The following PDE4D variants were observed in gnomAD, a reference collection of about 807,000 sequenced individuals.
PDE4D encodes phosphodiesterase 4D, also known as 3',5'-cyclic-AMP phosphodiesterase 4D.
In PDE4D, 24 loss-of-function variants were observed where a neutral mutation model predicts 87.4. The ratio of observed to expected loss-of-function variants is 0.27; its 90% CI spans 0.20 to 0.39. The LOEUF is 0.39. Among genes scored for constraint, PDE4D ranks in the 10% least tolerant of loss-of-function variants. The pLI is 1.00. For missense variants in PDE4D, 714 were observed against 1,041.0 expected, an observed-to-expected ratio of 0.69 and a Z score of 4.32; for synonymous variants, 384 against 383.2, an observed-to-expected ratio of 1.00 and a Z score of -0.02.
chr5:59,443,028 T>C (rs1797870959), intron 1 of PDE4D, among the ~76,000 whole-genome samples: 1 of 152,286 alleles, frequency 6.6e-6, no homozygotes, highest in African/African-American at 2.4e-5. Context: ...TTTCAACAGA[T>C]ACAAGAGAAA....
intron 1 of PDE4D, among the ~76,000 whole-genome samples, chr5:59,690,658 G>A (rs1157426333): frequency 6.6e-6 from 1 of 152,134 alleles, no homozygotes; most frequent in East Asian, 1.9e-4. Flanking sequence ...CATAGGCACA[G>A]GCAAGGACTT....
chr5:59,914,243 A>G (rs1221231619), intron 3 of PDE4D, among the ~76,000 whole-genome samples: 1 of 152,224 alleles, frequency 6.6e-6, no homozygotes, highest in East Asian at 1.9e-4. Context: ...TACATATTTT[A>G]TCAGGTGATA....
chr5:59,797,533 C>G (rs965685888), intron 1 of PDE4D, among the ~76,000 whole-genome samples: 1 of 152,166 alleles, frequency 6.6e-6, no homozygotes, highest in Non-Finnish European at 1.5e-5. Flanking sequence ...TATATTTACC[C>G]TGTCCGTTCT....
chr5:59,343,457 G>C (rs1167612115), intron 1 of PDE4D, among the ~76,000 whole-genome samples: 1 of 152,084 alleles, frequency 6.6e-6, no homozygotes, highest in East Asian at 1.9e-4. Flanking sequence ...TCAGCCAGAA[G>C]AACAATGTTA....
At chr5:59,431,284 G>A (rs1582570616) in intron 1 of PDE4D, among the ~76,000 whole-genome samples, 1 of 152,030 alleles carries the variant, frequency 6.6e-6, no homozygotes, top group South Asian at 2.1e-4. Context: ...AGGCAGCAGG[G>A]TCTTAGAGAA....
In PDE4D at chr5:59,199,913, T is replaced by C. The variant is rs555145367; in HGVS notation, c.648-6377A>G. On this transcript the variant is annotated intron_variant, in intron 2 of 14. Coordinates refer to ENST00000340635, the MANE Select transcript of PDE4D (RefSeq NM_001104631.2). ...ATGTACATATATACATATATGCATG[T>C]ATATATACACACAGGCACATATATA... Among the ~76,000 whole-genome samples the C allele has an allele frequency of 3.0e-4, 45 of 151,748 alleles. No homozygotes were observed. In the South Asian group the frequency reaches 8.9e-3, roughly 30 times the overall value.
In PDE4D at chr5:60,320,573, T is replaced by C. The variant is rs1583412819; in HGVS notation, c.-89-134886A>G. Among the ~76,000 whole-genome samples, 3 of 152,284 alleles carry C rather than the reference T, an allele frequency of 2.0e-5. No individual in the cohort carries two copies. The South Asian group carries it at 6.2e-4, about 32-fold the overall frequency. ...AGAAATCACCCATCTTCTGCATCGC[T>C]CACGCTGGGAGCTTTAGACTGGAGC... On this transcript the variant is annotated intron_variant, in intron 1 of 16. Coordinates refer to the PDE4D transcript ENST00000502484.
intron 1 of PDE4D, among the ~76,000 whole-genome samples, chr5:59,341,931 T>C (rs1249616384): frequency 1.3e-5 from 2 of 152,202 alleles, no homozygotes; most frequent in African/African-American, 4.8e-5. Context: ...AACGGCTATA[T>C]ATGTATTATC....
At chr5:59,891,130 C>A (rs897834428) in intron 1 of PDE4D, among the ~76,000 whole-genome samples, 2 of 152,186 alleles carry the variant, frequency 1.3e-5, no homozygotes. Flanking sequence ...TATTATACAT[C>A]TTAGTTTGCC....
chr5:60,344,682 T>A (rs1561143631), intron 1 of PDE4D, among the ~76,000 whole-genome samples: 1 of 152,124 alleles, frequency 6.6e-6, no homozygotes, highest in Non-Finnish European at 1.5e-5. Context: ...ACACAAGAGA[T>A]AAATAGTTTA....
chr5:60,460,647 T>C, intron 1 of PDE4D: 2 of 1,191,320 alleles, frequency 1.7e-6, no homozygotes, highest in Non-Finnish European at 1.2e-6. Flanking sequence ...TCAGCAAGCC[T>C]GCAGAGGCCA....
At chr5:59,689,872 G>C (rs184829175) in intron 1 of PDE4D, among the ~76,000 whole-genome samples, 1 of 152,068 alleles carries the variant, frequency 6.6e-6, no homozygotes, top group African/African-American at 2.4e-5. Flanking sequence ...CTTCAGCAAA[G>C]TCTCAGGATA....
chr5:59,347,262 T>G (rs935863506), intron 1 of PDE4D, among the ~76,000 whole-genome samples: 12 of 152,142 alleles, frequency 7.9e-5, no homozygotes, highest in African/African-American at 2.9e-4. Context: ...AAACAAACTC[T>G]GCCATTACAT....
chr5:60,223,688 A>G (rs187438889), intron 1 of PDE4D, among the ~76,000 whole-genome samples: 58 of 152,266 alleles, frequency 3.8e-4, no homozygotes, highest in African/African-American at 1.4e-3. Context: ...TGAGCTAATC[A>G]GATAATGGGG....
chr5:60,494,399 C>T (rs1749700698), intron 1 of PDE4D, among the ~76,000 whole-genome samples: 1 of 152,212 alleles, frequency 6.6e-6, no homozygotes, highest in African/African-American at 2.4e-5. Context: ...AGCACTGCTG[C>T]AGTCCAGTCC....
intron 1 of PDE4D, among the ~76,000 whole-genome samples, chr5:59,671,744 G>T (rs1747240478): frequency 6.6e-6 from 1 of 151,268 alleles, no homozygotes; most frequent in African/African-American, 2.4e-5. Flanking sequence ...GCAAGTAGAG[G>T]CTGCAGGAGC....
At chr5:59,245,418 G>A (rs1758659300) in intron 1 of PDE4D, among the ~76,000 whole-genome samples, 2 of 152,096 alleles carry the variant, frequency 1.3e-5, no homozygotes, top group South Asian at 4.1e-4. Context: ...TCTGGGAGCC[G>A]TGTTAGGCTC....
chr5:59,326,423 T>A (rs1406368099), intron 1 of PDE4D, among the ~76,000 whole-genome samples: 1 of 151,984 alleles, frequency 6.6e-6, no homozygotes, highest in Non-Finnish European at 1.5e-5. Context: ...AGCCATATAG[T>A]CTATAGAGTA....
chr5:59,839,031 G>A (rs1742574280), intron 1 of PDE4D, among the ~76,000 whole-genome samples: 1 of 151,926 alleles, frequency 6.6e-6, no homozygotes, highest in Non-Finnish European at 1.5e-5. Flanking sequence ...TCAAAACTTG[G>A]TACCATATTG....
Sources: allele counts gnomAD v4.1 joint callset (sites outside exome capture counted in the v4.1 genomes callset), GRCh38; gene constraint gnomAD v4.1.1; transcripts MANE v1.5; gene names NCBI Gene and HGNC (gene_info 2026-07-23, HGNC 2026-07-21).